Variants in RFX4 observed in about 807,000 individuals in gnomAD.
RFX4 encodes regulatory factor X4.
Under a neutral mutation model 95.0 loss-of-function variants are expected in RFX4, and 10 were observed. That is an observed-to-expected ratio of 0.11 (90% CI 0.06 to 0.18). RFX4 has a LOEUF of 0.18. Ranked by LOEUF, RFX4 falls within the 10% of genes least tolerant of loss-of-function variation. The pLI is 1.00. For missense variants in RFX4, 640 were observed against 922.0 expected (o/e 0.69, Z 3.96); for synonymous variants, 321 against 340.7 (o/e 0.94, Z 0.64).
chr12:106,589,631 T>C (rs1260660698), intron 1 of RFX4, among the ~76,000 whole-genome samples: 1 of 152,160 alleles, frequency 6.6e-6, no homozygotes, highest in Non-Finnish European at 1.5e-5. Context: ...ACTCATGCCC[T>C]CTCCCCACCC....
At chr12:106,761,048 A>C in intron 17 of RFX4, 149 bp from the exon 18 acceptor site, 1 of 874,284 alleles carries the variant, frequency 1.1e-6, no homozygotes, top group Admixed American at 2.3e-5. Context: ...ACCAATATTC[A>C]GTCTTGTAGA....
rs150763627 is a variant in RFX4, at chr12:106,729,946, A to G, written c.1352-2184A>G. Among the ~76,000 whole-genome samples the G allele has an allele frequency of 1.9e-3, 286 of 152,324 alleles. 2 individuals carry two copies. Among genetic ancestry groups the G allele is most frequent in the African/African-American group, 6.5e-3 (271 of 41,568 alleles). On this transcript the variant is annotated intron_variant, in intron 13 of 17. Transcript: ENST00000392842. ...TAGAGACTGCATCTCACAGTGATTGAGCAGAACCTGGACTTTGCTGAATAC... is the reference window on the plus strand; with the variant it reads ...TAGAGACTGCATCTCACAGTGATTGGGCAGAACCTGGACTTTGCTGAATAC...
chr12:106,657,902 A>C (rs916636261), intron 4 of RFX4, among the ~76,000 whole-genome samples: 7 of 152,184 alleles, frequency 4.6e-5, no homozygotes, highest in Admixed American at 2.0e-4. Context: ...TTTTCTCTCT[A>C]TATATAGATA....
chr12:106,594,592 G>A (rs1227148674), intron 1 of RFX4, among the ~76,000 whole-genome samples: 1 of 152,212 alleles, frequency 6.6e-6, no homozygotes. Context: ...GCACAGCTGA[G>A]GAGGCGCTGG....
intron 8 of RFX4, 99 bp downstream of exon 8, chr12:106,696,545 T>A (rs974342259): frequency 4.4e-5 from 56 of 1,283,922 alleles, no homozygotes; most frequent in Non-Finnish European, 5.7e-5. Context: ...TCCAGAGGCC[T>A]CCCTTGTAAA....
intron 8 of RFX4, among the ~76,000 whole-genome samples, chr12:106,708,323 C>T (rs1363878751): frequency 6.6e-6 from 1 of 150,670 alleles, no homozygotes; most frequent in African/African-American, 2.4e-5. Flanking sequence ...GACGTCCTTC[C>T]TTTGTGTGTG....
chr12:106,693,009 C>T (rs1171062587), intron 7 of RFX4: 4 of 317,532 alleles, frequency 1.3e-5, no homozygotes, highest in Admixed American at 1.1e-4. Flanking sequence ...TGCCACTCCC[C>T]TCCACCCAAT....
intron 7 of RFX4, among the ~76,000 whole-genome samples, chr12:106,693,920 A>G (rs1334059134): frequency 1.3e-5 from 2 of 152,242 alleles, no homozygotes; most frequent in African/African-American, 2.4e-5. Context: ...GCCAAGCACT[A>G]GAAGCACTTT....
chr12:106,753,823 G>A (rs2043058528), intron 17 of RFX4, among the ~76,000 whole-genome samples: 1 of 152,318 alleles, frequency 6.6e-6, no homozygotes, highest in Admixed American at 6.5e-5. Context: ...AGTATGGTGT[G>A]CTGAGCACGC....
At chr12:106,588,002 C>G (rs969960989) in intron 1 of RFX4, among the ~76,000 whole-genome samples, 1 of 152,090 alleles carries the variant, frequency 6.6e-6, no homozygotes, top group African/African-American at 2.4e-5. Context: ...TTTTAATTGC[C>G]TGTAAAATGA....
intron 5 of RFX4, among the ~76,000 whole-genome samples, chr12:106,686,169 T>C (rs1295454870): frequency 6.6e-6 from 1 of 152,056 alleles, no homozygotes; most frequent in Non-Finnish European, 1.5e-5. Flanking sequence ...TCCCAGCACT[T>C]TGGGAGGCCA....
chr12:106,583,481 A>G (rs2039403551), intron 1 of RFX4, 118 bp downstream of exon 1: 8 of 924,054 alleles, frequency 8.7e-6, no homozygotes, highest in Non-Finnish European at 1.1e-5. Flanking sequence ...TGGAACCCCA[A>G]AGAATAACGC....
chr12:106,707,101 C>T (rs964954982), intron 8 of RFX4, among the ~76,000 whole-genome samples: 2 of 151,978 alleles, frequency 1.3e-5, no homozygotes, highest in African/African-American at 4.8e-5. Context: ...AAAATGATGC[C>T]AATTTTTGAA....
At chr12:106,669,703 A>C (rs1293894398) in intron 4 of RFX4, among the ~76,000 whole-genome samples, 1 of 143,208 alleles carries the variant, frequency 7.0e-6, no homozygotes, top group Non-Finnish European at 1.6e-5. Flanking sequence ...TCCAGTTCTC[A>C]AAGGAAAAAA....
chr12:106,584,121 T>A lies in RFX4; in HGVS notation c.43+758T>A, dbSNP rs112395549. Among the ~76,000 whole-genome samples, 30 of 135,330 alleles carry A rather than the reference T, an allele frequency of 2.2e-4. No individual in the cohort carries two copies. The East Asian group carries it at 5.5e-3, about 25-fold the overall frequency. The allele number at this position is 135,330 out of a possible 152,430, so 88.8% of individuals were successfully genotyped here. A position where few individuals can be genotyped will look rare whatever the true frequency, so the allele number is the denominator to read the frequency against. On this transcript the variant is annotated intron_variant, in intron 1 of 17. Coordinates refer to ENST00000392842, the MANE Select transcript of RFX4 (RefSeq NM_213594.3). ...CAGTTCAAGAGCTGCTGGGCGTCAGTTTTGGGGGTGCGGCGGTCCTTAACA... is the reference window on the plus strand; with the variant it reads ...CAGTTCAAGAGCTGCTGGGCGTCAGATTTGGGGGTGCGGCGGTCCTTAACA...
intron 8 of RFX4, among the ~76,000 whole-genome samples, chr12:106,706,692 A>T (rs2042093232): frequency 6.6e-6 from 1 of 152,222 alleles, no homozygotes. Flanking sequence ...GGGAACAAAT[A>T]CCATGATGTT....
intron 11 of RFX4, among the ~76,000 whole-genome samples, chr12:106,716,764 T>G (rs537774265): frequency 1.3e-5 from 2 of 152,142 alleles, no homozygotes; most frequent in South Asian, 4.2e-4. Context: ...AGCTCCTGTG[T>G]CAAATCCAAT....
intron 1 of RFX4, among the ~76,000 whole-genome samples, chr12:106,603,591 C>T (rs1249495764): frequency 2.0e-5 from 3 of 152,228 alleles, no homozygotes; most frequent in Admixed American, 2.0e-4. Flanking sequence ...TCCCGTTGGG[C>T]ACTTAGCACA....
chr12:106,628,571 T>C (rs1222578573), intron 2 of RFX4, among the ~76,000 whole-genome samples: 1 of 152,120 alleles, frequency 6.6e-6, no homozygotes, highest in Admixed American at 6.5e-5. Context: ...GTTAGAATAG[T>C]TTTGAATAGA....
Sources: allele counts gnomAD v4.1 joint callset (sites outside exome capture counted in the v4.1 genomes callset), GRCh38; gene constraint gnomAD v4.1.1; transcripts MANE v1.5; gene names NCBI Gene and HGNC (gene_info 2026-07-23, HGNC 2026-07-21).